The following CCDC85A variants were observed in gnomAD, a reference collection of about 807,000 sequenced individuals.
The protein encoded by CCDC85A is coiled-coil domain-containing protein 85A.
CCDC85A carries 38 observed loss-of-function variants against 50.2 expected under a neutral mutation model. The ratio of observed to expected loss-of-function variants is 0.76; its 90% CI spans 0.58 to 0.99. The LOEUF (loss-of-function observed/expected upper bound fraction) is 0.99. Ranked by LOEUF, CCDC85A falls within the 50% of genes least tolerant of loss-of-function variation. CCDC85A has a pLI of 0.00. For missense variants in CCDC85A, 820 were observed against 742.0 expected, an observed-to-expected ratio of 1.11 and a Z score of -1.22; for synonymous variants, 366 against 301.4, an observed-to-expected ratio of 1.21 and a Z score of -2.22.
At chr2:56,221,211 A>T (rs1172059468) in intron 2 of CCDC85A, among the ~76,000 whole-genome samples, 1 of 152,058 alleles carries the variant, frequency 6.6e-6, no homozygotes, top group Non-Finnish European at 1.5e-5. Flanking sequence ...CCTGTGTACA[A>T]GGTTCTCTTG....
At chr2:56,285,557 A>T (rs1335440439) in intron 2 of CCDC85A, among the ~76,000 whole-genome samples, 3 of 145,780 alleles carry the variant, frequency 2.1e-5, no homozygotes, top group Non-Finnish European at 3.0e-5. Context: ...AATATAACAT[A>T]ATATATAATA....
intron 2 of CCDC85A, among the ~76,000 whole-genome samples, chr2:56,214,982 A>G (rs1268547623): frequency 6.6e-6 from 1 of 151,968 alleles, no homozygotes; most frequent in Non-Finnish European, 1.5e-5. Context: ...CTTTAACAGT[A>G]TTGAGTCTTC....
At chr2:56,221,475 G>C (rs562365059) in intron 2 of CCDC85A, among the ~76,000 whole-genome samples, 13 of 151,934 alleles carry the variant, frequency 8.6e-5, no homozygotes, top group African/African-American at 2.7e-4. Flanking sequence ...CTCCTGAGTT[G>C]AATTTTGCTT....
At chr2:56,364,387 G>A (rs1675686208) in intron 3 of CCDC85A, among the ~76,000 whole-genome samples, 2 of 152,098 alleles carry the variant, frequency 1.3e-5, no homozygotes, top group African/African-American at 4.8e-5. Context: ...GGAGGAACAG[G>A]TATTTCAAAA....
chr2:56,198,883 T>G (rs1190435102), intron 2 of CCDC85A, among the ~76,000 whole-genome samples: 1 of 152,238 alleles, frequency 6.6e-6, no homozygotes, highest in African/African-American at 2.4e-5. Context: ...TTCAACTGTT[T>G]TCTAGTTGGT....
At chr2:56,258,748 C>G (rs1467743003) in intron 2 of CCDC85A, among the ~76,000 whole-genome samples, 3 of 152,096 alleles carry the variant, frequency 2.0e-5, no homozygotes, top group Non-Finnish European at 4.4e-5. Flanking sequence ...GAGATCAGGT[C>G]TGGGTTTGGC....
intron 2 of CCDC85A, among the ~76,000 whole-genome samples, chr2:56,313,743 C>G: frequency 6.6e-6 from 1 of 150,826 alleles, no homozygotes; most frequent in East Asian, 1.9e-4. Context: ...CCTACAGGCA[C>G]TGGAACATGA....
chr2:56,227,505 G>T (rs1668593986), intron 2 of CCDC85A, among the ~76,000 whole-genome samples: 1 of 152,174 alleles, frequency 6.6e-6, no homozygotes. Flanking sequence ...TTCCAAGCGG[G>T]AATTGGTTTT....
intron 2 of CCDC85A, among the ~76,000 whole-genome samples, chr2:56,280,494 A>T: frequency 6.6e-6 from 1 of 152,180 alleles, no homozygotes; most frequent in South Asian, 2.1e-4. Context: ...CGTCCATAGT[A>T]CATGCCGAAC....
intron 3 of CCDC85A, among the ~76,000 whole-genome samples, chr2:56,351,014 C>A (rs1160721515): frequency 1.0e-5 from 1 of 98,712 alleles, no homozygotes; most frequent in Non-Finnish European, 1.9e-5. Flanking sequence ...CCCCCCACCC[C>A]ACAACAGTCC....
chr2:56,316,354 A>G (rs1321040153), intron 2 of CCDC85A, among the ~76,000 whole-genome samples: 6 of 152,024 alleles, frequency 3.9e-5, no homozygotes, highest in Non-Finnish European at 7.4e-5. Flanking sequence ...TCTCGTATAT[A>G]TTTAGACAAA....
chr2:56,299,031 T>C (rs1672084316), intron 2 of CCDC85A, among the ~76,000 whole-genome samples: 1 of 152,176 alleles, frequency 6.6e-6, no homozygotes, highest in Non-Finnish European at 1.5e-5. Context: ...TTGTAGCAAA[T>C]GCAGGGTTTA....
intron 2 of CCDC85A, among the ~76,000 whole-genome samples, chr2:56,272,364 C>T (rs79759151): frequency 0.089 from 13,540 of 152,054 alleles, 774 homozygotes; most frequent in Non-Finnish European, 0.12. Context: ...GAACTCCTAA[C>T]GGTCTTATAA....
At chr2:56,187,096 A>C (rs1676080178) in intron 1 of CCDC85A, among the ~76,000 whole-genome samples, 1 of 152,098 alleles carries the variant, frequency 6.6e-6, no homozygotes, top group African/African-American at 2.4e-5. Context: ...TTTGGCTCAG[A>C]GCTTCCTTGG....
rs115876234 is a variant in CCDC85A at position 56,288,073 on chromosome 2, C to G, written c.1241-54806C>G. 1.6e-3 allele frequency among the ~76,000 whole-genome samples: 249 copies of G among 152,254 alleles called. 4 individuals are homozygous for G. Among genetic ancestry groups the G allele is most frequent in the African/African-American group, 5.9e-3 (244 of 41,560 alleles). On this transcript the variant is annotated intron_variant, in intron 2 of 5. Transcript: ENST00000407595. ...GTCAGCTTCACCCCTGAACCCATAT[C>G]TTGGGATGATTGACAGTTTACTCCC... is the stretch of plus-strand genomic sequence containing the variant.
At chr2:56,293,210 G>A (rs545087824) in intron 2 of CCDC85A, among the ~76,000 whole-genome samples, 8 of 152,316 alleles carry the variant, frequency 5.3e-5, no homozygotes, top group African/African-American at 1.9e-4. Context: ...AGGATTCCAT[G>A]TGGAGAAAAG....
chr2:56,193,241 C>A lies in CCDC85A; in HGVS notation c.1041C>A (p.Ser347Arg). The change falls in exon 2 of 6, where the codon AGC (serine) becomes AGA (arginine). Residue 347 changes from serine to arginine, a missense_variant. Physicochemically the swap from Ser to Arg is moderately radical, Grantham distance 110 (BLOSUM62 -1). Transcript: ENST00000407595. Reference protein sequence around the residue: ...EHLQKHALGGSLEHLPRARGT... With the variant: ...EHLQKHALGGRLEHLPRARGT... ...TTCAGAAACACGCTCTTGGGGGGAG[C>A]CTAGAGCATCTCCCCAGAGCCAGGG... The A allele has an allele frequency of 6.2e-7, 1 of 1,613,314 alleles. No homozygotes were observed. Among genetic ancestry groups the A allele is most frequent in the Non-Finnish European group, 8.5e-7 (1 of 1,179,708 alleles).
chr2:56,384,323 T>C lies in CCDC85A; in HGVS notation c.1630T>C (p.Leu544=), dbSNP rs1384544743. ...AGSCPGIRQH[L]SGNQYKGPM ...TTCGTGTCCTGGAATTAGGCAACATTTGTCAGGAAACCAGTACAAAGGACC... is the reference window on the plus strand; with the variant it reads ...TTCGTGTCCTGGAATTAGGCAACATCTGTCAGGAAACCAGTACAAAGGACC... Residue 544 remains leucine (L), a synonymous_variant, in exon 6 of 6, where the codon TTG becomes CTG. Transcript: ENST00000407595. 2 of 1,611,466 alleles carry C rather than the reference T, an allele frequency of 1.2e-6. No individual in the cohort carries two copies. The highest frequency in any genetic ancestry group is 1.7e-6 in the Non-Finnish European group (2 of 1,178,196).
intron 3 of CCDC85A, among the ~76,000 whole-genome samples, chr2:56,343,678 G>A (rs541950238): frequency 4.1e-4 from 62 of 152,178 alleles, no homozygotes; most frequent in African/African-American, 1.5e-3. Flanking sequence ...TCAAGCATGT[G>A]GACAATAATA....
Sources: gnomAD v4.1 joint callset for allele counts (sites outside exome capture counted in the v4.1 genomes callset) on GRCh38, gnomAD v4.1.1 for gene constraint, MANE v1.5 for transcripts, NCBI Gene and HGNC (gene_info 2026-07-23, HGNC 2026-07-21) for gene names.